ST6GALNAC3: variants seen among roughly 807,000 people sequenced by gnomAD.
The protein encoded by ST6GALNAC3 is alpha-N-acetylgalactosaminide alpha-2,6-sialyltransferase 3.
A neutral mutation model predicts 32.7 loss-of-function variants in ST6GALNAC3; 25 were observed. That is an observed-to-expected ratio of 0.76 (90% CI 0.56 to 1.07). The LOEUF is 1.07. Ranked by LOEUF, ST6GALNAC3 falls within the 50% of genes least tolerant of loss-of-function variation. The pLI is 0.00. For synonymous variants in ST6GALNAC3, 129 were observed against 133.1 expected, an observed-to-expected ratio of 0.97 and a Z score of 0.21; for missense variants, 355 against 382.4, an observed-to-expected ratio of 0.93 and a Z score of 0.60.
At chr1:76,523,279 T>TG (rs1350364307) in intron 3 of ST6GALNAC3, among the ~76,000 whole-genome samples, 1 of 152,162 alleles carries the variant, frequency 6.6e-6, no homozygotes, top group East Asian at 1.9e-4. Flanking sequence ...TTCTTATTCA[T>TG]GTTATTCATT....
chr1:76,375,924 C>T (rs1037847332), intron 2 of ST6GALNAC3, among the ~76,000 whole-genome samples: 1 of 151,934 alleles, frequency 6.6e-6, no homozygotes, highest in African/African-American at 2.4e-5. Context: ...AATATAGATC[C>T]AAATGTGTGA....
intron 1 of ST6GALNAC3, among the ~76,000 whole-genome samples, chr1:76,093,160 T>A (rs1647073031): frequency 6.6e-6 from 1 of 152,092 alleles, no homozygotes; most frequent in Non-Finnish European, 1.5e-5. Flanking sequence ...TAAAAATAAA[T>A]GGGAATAAAG....
intron 1 of ST6GALNAC3, among the ~76,000 whole-genome samples, chr1:76,283,433 T>G (rs1302467461): frequency 6.6e-6 from 1 of 152,148 alleles, no homozygotes; most frequent in Non-Finnish European, 1.5e-5. Context: ...TCACTGAAAG[T>G]GTTATGTGTA....
intron 1 of ST6GALNAC3, chr1:76,142,717 G>A: frequency 2.9e-6 from 1 of 347,970 alleles, no homozygotes; most frequent in East Asian, 8.4e-5. Context: ...GAAGAATCCT[G>A]TTTGGACCTT....
chr1:76,414,023 G>T (rs1654450332), intron 3 of ST6GALNAC3, among the ~76,000 whole-genome samples: 2 of 152,000 alleles, frequency 1.3e-5, no homozygotes, highest in Admixed American at 6.6e-5. Context: ...CATGCTGTTG[G>T]TTCATGTTTT....
rs150204825 is a variant in ST6GALNAC3, at chr1:76,415,474, G to A, written c.623+3057G>A. On this transcript the variant is annotated intron_variant, in intron 3 of 4. Coordinates refer to ENST00000328299, the MANE Select transcript of ST6GALNAC3 (RefSeq NM_152996.4). ...TAGTTTCCTTGCATTCTCTATAGGC[G>A]TCCACTATTATTAATATTTACATAT... 4.5e-3 allele frequency among the ~76,000 whole-genome samples: 676 copies of A among 151,628 alleles called. 6 individuals carry two copies. Among genetic ancestry groups the A allele is most frequent in the African/African-American group, 0.011 (466 of 41,368 alleles).
At chr1:76,315,765 G>C (rs1557779743) in intron 2 of ST6GALNAC3, among the ~76,000 whole-genome samples, 1 of 152,014 alleles carries the variant, frequency 6.6e-6, no homozygotes, top group Non-Finnish European at 1.5e-5. Context: ...GCAAAATAAG[G>C]ATAACAACAT....
chr1:76,267,356 G>A (rs565759996), intron 1 of ST6GALNAC3, among the ~76,000 whole-genome samples: 3 of 152,148 alleles, frequency 2.0e-5, no homozygotes, highest in African/African-American at 7.2e-5. Flanking sequence ...CAGCCCACTC[G>A]AGCTCTGTCC....
intron 3 of ST6GALNAC3, among the ~76,000 whole-genome samples, chr1:76,426,257 G>A (rs532585018): frequency 6.6e-6 from 1 of 151,912 alleles, no homozygotes; most frequent in African/African-American, 2.4e-5. Flanking sequence ...AGCACCATGA[G>A]GGCATAACTT....
At chr1:76,385,427 G>T (rs75853850) in intron 2 of ST6GALNAC3, among the ~76,000 whole-genome samples, 2 of 152,138 alleles carry the variant, frequency 1.3e-5, no homozygotes, top group Non-Finnish European at 2.9e-5. Flanking sequence ...TCTAGAGAGA[G>T]ACTGAGGTTA....
In ST6GALNAC3 at chr1:76,630,477, TGATTTGCTGCAA is replaced by T; in HGVS notation, c.*1674_*1685del. 1 of 985,220 alleles carries T rather than the reference TGATTTGCTGCAA, an allele frequency of 1.0e-6. No homozygotes were observed. Among genetic ancestry groups the T allele is most frequent in the South Asian group, 4.7e-5 (1 of 21,282 alleles). The allele number at this position is 985,220 out of a possible 1,614,324, so 61.0% of individuals were successfully genotyped here. A position where few individuals can be genotyped will look rare whatever the true frequency, so the allele number is the denominator to read the frequency against. On this transcript the variant is annotated 3_prime_UTR_variant, in exon 5 of 5. Transcript: ENST00000328299. The stretch of plus-strand genomic sequence containing the variant: ...CGTTGCTCATTAAATAGTAAAGGGT[TGATTTGCTGCAA>T]GAGTAGCTGAGAATTCAAAAACATC...
chr1:76,577,178 A>G (rs374866753), intron 3 of ST6GALNAC3: 4 of 1,023,256 alleles, frequency 3.9e-6, no homozygotes, highest in South Asian at 3.8e-5. Flanking sequence ...GTTTTATTCA[A>G]TTTGTCTTTA....
intron 1 of ST6GALNAC3, among the ~76,000 whole-genome samples, chr1:76,096,157 C>T (rs567835780): frequency 1.6e-4 from 24 of 152,106 alleles, no homozygotes; most frequent in African/African-American, 4.6e-4. Context: ...ATTAAGTTTG[C>T]GGGGAGATGG....
intron 1 of ST6GALNAC3, among the ~76,000 whole-genome samples, chr1:76,164,309 A>G (rs1341868651): frequency 1.3e-5 from 2 of 152,176 alleles, no homozygotes; most frequent in Non-Finnish European, 2.9e-5. Flanking sequence ...CTCACAGATC[A>G]TGTAAGTCAG....
At chr1:76,618,856 C>T (rs1471326592) in intron 3 of ST6GALNAC3, among the ~76,000 whole-genome samples, 1 of 152,126 alleles carries the variant, frequency 6.6e-6, no homozygotes, top group African/African-American at 2.4e-5. Flanking sequence ...AGTCATTTGG[C>T]CAAGCCCAAA....
At chr1:76,132,591 C>G (rs1229661707) in intron 1 of ST6GALNAC3, among the ~76,000 whole-genome samples, 1 of 152,116 alleles carries the variant, frequency 6.6e-6, no homozygotes, top group Non-Finnish European at 1.5e-5. Context: ...CGAGTCCTGC[C>G]CCTCTGATTG....
intron 1 of ST6GALNAC3, among the ~76,000 whole-genome samples, chr1:76,263,872 C>A (rs1381662813): frequency 6.6e-6 from 1 of 151,994 alleles, no homozygotes; most frequent in Non-Finnish European, 1.5e-5. Flanking sequence ...GCTTTCGTTT[C>A]TGAATATGAA....
intron 1 of ST6GALNAC3, among the ~76,000 whole-genome samples, chr1:76,281,292 A>G (rs1365185565): frequency 6.6e-6 from 1 of 152,244 alleles, no homozygotes; most frequent in Non-Finnish European, 1.5e-5. Context: ...ATAACATTAA[A>G]CAAATGCACA....
chr1:76,507,145 A>G (rs1055102464), intron 3 of ST6GALNAC3, among the ~76,000 whole-genome samples: 1 of 152,136 alleles, frequency 6.6e-6, no homozygotes, highest in Non-Finnish European at 1.5e-5. Flanking sequence ...AGGTAGGTGA[A>G]CTTGGAGGGA....
Sources: gnomAD v4.1 joint callset for allele counts (sites outside exome capture counted in the v4.1 genomes callset) on GRCh38, gnomAD v4.1.1 for gene constraint, MANE v1.5 for transcripts, NCBI Gene and HGNC (gene_info 2026-07-23, HGNC 2026-07-21) for gene names.